The following CHN2 variants were observed in gnomAD, a reference collection of about 807,000 sequenced individuals.
CHN2 encodes the protein chimerin 2, also known as beta-chimaerin.
In CHN2, 35 loss-of-function variants were observed where a neutral mutation model predicts 56.3. That is an observed-to-expected ratio of 0.62 (90% CI 0.47 to 0.82). CHN2 has a LOEUF of 0.82. Among genes scored for constraint, CHN2 ranks in the 40% least tolerant of loss-of-function variants. CHN2 has a pLI of 0.00. For missense variants in CHN2, 491 were observed against 580.5 expected, an observed-to-expected ratio of 0.85 and a Z score of 1.58; for synonymous variants, 210 against 212.8, an observed-to-expected ratio of 0.99 and a Z score of 0.12.
intron 1 of CHN2, among the ~76,000 whole-genome samples, chr7:29,345,792 G>A (rs889630895): frequency 6.6e-6 from 1 of 152,032 alleles, no homozygotes. Context: ...GCTCCATGTG[G>A]CCCCGGTGCC....
intron 1 of CHN2, among the ~76,000 whole-genome samples, chr7:29,319,540 A>C (rs1187417181): frequency 6.6e-6 from 1 of 152,184 alleles, no homozygotes; most frequent in Non-Finnish European, 1.5e-5. Context: ...TCCTGTGGAC[A>C]CTGTTCAGAT....
intron 6 of CHN2, among the ~76,000 whole-genome samples, chr7:29,434,705 G>A (rs577841251): frequency 1.3e-5 from 2 of 152,238 alleles, no homozygotes; most frequent in South Asian, 2.1e-4. Flanking sequence ...ATAGTCGCAG[G>A]TACTGGGGTT....
chr7:29,496,335 A>C (rs1431187551), intron 8 of CHN2, among the ~76,000 whole-genome samples: 1 of 152,120 alleles, frequency 6.6e-6, no homozygotes, highest in Non-Finnish European at 1.5e-5. Flanking sequence ...ATCAATTCCA[A>C]TGGAACTGCA....
intron 1 of CHN2, among the ~76,000 whole-genome samples, chr7:29,294,209 C>T (rs1032951548): frequency 2.0e-5 from 3 of 151,992 alleles, no homozygotes; most frequent in Middle Eastern, 3.2e-3. Context: ...GTTGTATCTC[C>T]GGCACCTGGA....
At chr7:29,210,982 A>G (rs980065514) in intron 1 of CHN2, among the ~76,000 whole-genome samples, 4 of 151,972 alleles carry the variant, frequency 2.6e-5, no homozygotes, top group African/African-American at 9.7e-5. Flanking sequence ...CGCCCTAAGG[A>G]CTTTGGCTTT....
At chr7:29,169,297 CT>C (rs892096871) in intron 2 of CHN2, among the ~76,000 whole-genome samples, 8 of 152,118 alleles carry the variant, frequency 5.3e-5, no homozygotes, top group African/African-American at 1.4e-4. Context: ...TATTCAATCC[CT>C]TAAAATATAT....
At chr7:29,506,406 G>C (rs989741343) in intron 10 of CHN2, among the ~76,000 whole-genome samples, 9 of 152,166 alleles carry the variant, frequency 5.9e-5, no homozygotes, top group African/African-American at 1.9e-4. Context: ...GGGAGGCTGA[G>C]ACAGGTGGAT....
chr7:29,444,997 G>A (rs1230085860), intron 6 of CHN2: 1 of 360,778 alleles, frequency 2.8e-6, no homozygotes, highest in Non-Finnish European at 5.4e-6. Flanking sequence ...TGGATCTGAA[G>A]CCTAGAGATC....
At chr7:29,187,058 G>A (rs1244309706) in intron 2 of CHN2, among the ~76,000 whole-genome samples, 3 of 152,096 alleles carry the variant, frequency 2.0e-5, no homozygotes, top group African/African-American at 2.4e-5. Flanking sequence ...CATGATCCTG[G>A]CACATAGGAA....
intron 1 of CHN2, among the ~76,000 whole-genome samples, chr7:29,239,289 T>G (rs1041138107): frequency 3.9e-5 from 6 of 152,096 alleles, no homozygotes; most frequent in African/African-American, 1.4e-4. Flanking sequence ...TCAGGAATAA[T>G]CTTAAAGTTG....
intron 1 of CHN2, among the ~76,000 whole-genome samples, chr7:29,195,627 A>AGT (rs1304546305): frequency 1.5e-3 from 173 of 116,798 alleles, no homozygotes; most frequent in African/African-American, 5.7e-3. Flanking sequence ...AGAGAGAGAG[A>AGT]GAGTGTGTGT....
intron 7 of CHN2, among the ~76,000 whole-genome samples, chr7:29,491,717 T>C (rs1338905065): frequency 6.6e-6 from 1 of 152,216 alleles, no homozygotes; most frequent in African/African-American, 2.4e-5. Context: ...TATATTCTTT[T>C]TGATTAATGG....
intron 1 of CHN2, among the ~76,000 whole-genome samples, chr7:29,222,560 G>A (rs1239927360): frequency 6.6e-6 from 1 of 152,028 alleles, no homozygotes; most frequent in Non-Finnish European, 1.5e-5. Context: ...AATGAGAGAT[G>A]TTCAAAACCT....
At chr7:29,323,232 G>GC (rs1392966782) in intron 1 of CHN2, among the ~76,000 whole-genome samples, 1 of 148,314 alleles carries the variant, frequency 6.7e-6, no homozygotes. Flanking sequence ...CTTGGACTTC[G>GC]CAGAGCACAT....
chr7:29,286,022 G>A (rs372036178), intron 1 of CHN2, among the ~76,000 whole-genome samples: 99 of 152,082 alleles, frequency 6.5e-4, no homozygotes, highest in Non-Finnish European at 1.6e-4. Context: ...TTTCCTGGCC[G>A]CCAAGTACAG....
intron 1 of CHN2, among the ~76,000 whole-genome samples, chr7:29,244,933 T>C (rs1226444509): frequency 6.6e-6 from 1 of 152,214 alleles, no homozygotes; most frequent in Non-Finnish European, 1.5e-5. Flanking sequence ...TGGTCTTTAG[T>C]TCTCTCCCAG....
intron 1 of CHN2, among the ~76,000 whole-genome samples, chr7:29,270,689 TG>T (rs1790564372): frequency 6.6e-6 from 1 of 151,598 alleles, no homozygotes; most frequent in African/African-American, 2.4e-5. Context: ...AAATAAAAAA[TG>T]ATCTAAAAGT....
intron 1 of CHN2, among the ~76,000 whole-genome samples, chr7:29,308,376 C>G (rs1794330543): frequency 6.6e-6 from 1 of 152,188 alleles, no homozygotes; most frequent in African/African-American, 2.4e-5. Context: ...TCAGAAGAGT[C>G]TAAGTGCTAT....
At chr7:29,259,705 C>T (rs1028266295) in intron 1 of CHN2, among the ~76,000 whole-genome samples, 2 of 152,026 alleles carry the variant, frequency 1.3e-5, no homozygotes, top group Non-Finnish European at 2.9e-5. Context: ...AAGAGTAGAT[C>T]TTAAGTGGCC....
Sources: allele counts gnomAD v4.1 joint callset (sites outside exome capture counted in the v4.1 genomes callset), GRCh38; gene constraint gnomAD v4.1.1; transcripts MANE v1.5; gene names NCBI Gene and HGNC (gene_info 2026-07-23, HGNC 2026-07-21).